The following MEIS1 variants were observed in gnomAD, a reference collection of about 807,000 sequenced individuals.
The protein encoded by MEIS1 is homeobox protein Meis1.
A neutral mutation model predicts 50.8 loss-of-function variants in MEIS1; 5 were observed. The observed-to-expected ratio is 0.10, with a 90% CI of 0.05 to 0.21. MEIS1 has a LOEUF of 0.21. Ranked by LOEUF, MEIS1 falls within the 10% of genes least tolerant of loss-of-function variation. The pLI is 1.00. For synonymous variants in MEIS1, 176 were observed against 179.3 expected (o/e 0.98, Z 0.15); for missense variants, 318 against 517.3 (o/e 0.61, Z 3.74).
At chr2:66,520,082 G>GT (rs999360275) in intron 8 of MEIS1, among the ~76,000 whole-genome samples, 11 of 151,188 alleles carry the variant, frequency 7.3e-5, no homozygotes, top group East Asian at 1.9e-4. Flanking sequence ...AGCAGGTATA[G>GT]TTTTTTTTTC....
chr2:66,475,167 TATC>T (rs1672860963), intron 7 of MEIS1, among the ~76,000 whole-genome samples: 1 of 147,256 alleles, frequency 6.8e-6, no homozygotes, highest in African/African-American at 2.5e-5. Flanking sequence ...TGAATATAAA[TATC>T]ATTTATAAAT....
intron 9 of MEIS1, among the ~76,000 whole-genome samples, chr2:66,553,914 T>C (rs1674988067): frequency 6.6e-6 from 1 of 152,112 alleles, no homozygotes; most frequent in African/African-American, 2.4e-5. Flanking sequence ...CCTTCCACCA[T>C]GGGGCCCTAA....
At chr2:66,476,598 G>C (rs557085505) in intron 7 of MEIS1, among the ~76,000 whole-genome samples, 44 of 152,254 alleles carry the variant, frequency 2.9e-4, no homozygotes, top group African/African-American at 1.0e-3. Flanking sequence ...TGAGTAATTT[G>C]GAAGTAGAGG....
chr2:66,454,395 C>T lies in MEIS1; in HGVS notation c.631-9714C>T, dbSNP rs149142647. On this transcript the variant is annotated intron_variant, in intron 6 of 12. Transcript: ENST00000272369. ...CAGCATAGTGTAAAAGGAGACTGAACTCAGATATTTTACTGAGATAGTATA... is the reference window on the plus strand; with the variant it reads ...CAGCATAGTGTAAAAGGAGACTGAATTCAGATATTTTACTGAGATAGTATA... Among the ~76,000 whole-genome samples, 1,322 of 152,078 alleles carry T rather than the reference C, an allele frequency of 8.7e-3. 11 individuals carry two copies. Among genetic ancestry groups the T allele is most frequent in the Middle Eastern group, 0.048 (14 of 294 alleles).
intron 8 of MEIS1, among the ~76,000 whole-genome samples, chr2:66,531,737 T>C (rs1184827837): frequency 6.6e-6 from 1 of 152,242 alleles, no homozygotes; most frequent in Non-Finnish European, 1.5e-5. Context: ...ATCTGCTGAT[T>C]GGCTGCGGAC....
In MEIS1 at chr2:66,484,654, G is replaced by A. The variant is rs528113837; in HGVS notation, c.742+20434G>A. ...GCTCACTGCAACCTCTCCCTCCTGG[G>A]TTCAAGCAATTCTCCTGCCTCAGCC... is the stretch of plus-strand genomic sequence containing the variant. On this transcript the variant is annotated intron_variant, in intron 7 of 12. Coordinates refer to ENST00000272369, the MANE Select transcript of MEIS1 (RefSeq NM_002398.3). Among the ~76,000 whole-genome samples, 25 of 152,182 alleles carry A rather than the reference G, an allele frequency of 1.6e-4. 1 individual carries two copies. The East Asian group carries it at 4.6e-3, about 28-fold the overall frequency.
At chr2:66,470,237 C>G (rs1042150143) in intron 7 of MEIS1, among the ~76,000 whole-genome samples, 1 of 152,054 alleles carries the variant, frequency 6.6e-6, no homozygotes, top group Admixed American at 6.6e-5. Context: ...CCTGTGTGTT[C>G]CTTTGGTTAT....
intron 9 of MEIS1, among the ~76,000 whole-genome samples, chr2:66,550,325 T>A (rs1233490741): frequency 6.6e-6 from 1 of 152,296 alleles, no homozygotes; most frequent in Non-Finnish European, 1.5e-5. Flanking sequence ...CATTTAACAA[T>A]GTTGTTTGCT....
chr2:66,442,303 A>C (rs1047432804), intron 5 of MEIS1, among the ~76,000 whole-genome samples: 1 of 146,608 alleles, frequency 6.8e-6, no homozygotes, highest in Non-Finnish European at 1.5e-5. Context: ...AATCAATTTG[A>C]TATGTTTTTG....
At chr2:66,559,724 T>G (rs547471900) in intron 9 of MEIS1, among the ~76,000 whole-genome samples, 1 of 152,332 alleles carries the variant, frequency 6.6e-6, no homozygotes, top group East Asian at 1.9e-4. Flanking sequence ...AACCACTATT[T>G]TTTTTAGCTC....
intron 9 of MEIS1, among the ~76,000 whole-genome samples, chr2:66,559,251 G>T (rs1675151550): frequency 1.3e-5 from 2 of 152,102 alleles, no homozygotes; most frequent in Admixed American, 1.3e-4. Flanking sequence ...TTATTTGGGG[G>T]AAACTTTCTT....
At chr2:66,557,552 C>CT (rs946414742) in intron 9 of MEIS1, among the ~76,000 whole-genome samples, 17 of 152,280 alleles carry the variant, frequency 1.1e-4, no homozygotes, top group African/African-American at 4.1e-4. Context: ...TTGAGACTGG[C>CT]TTTTTTCACT....
At chr2:66,461,277 G>T (rs542698516) in intron 6 of MEIS1, among the ~76,000 whole-genome samples, 1 of 152,138 alleles carries the variant, frequency 6.6e-6, no homozygotes, top group Non-Finnish European at 1.5e-5. Context: ...TATTGTAACT[G>T]AACTTCTCTG....
chr2:66,453,788 A>G (rs984366101), intron 6 of MEIS1, among the ~76,000 whole-genome samples: 2 of 152,002 alleles, frequency 1.3e-5, no homozygotes, highest in East Asian at 1.9e-4. Flanking sequence ...GTATAATGCT[A>G]TGAGGTAGTA....
intron 6 of MEIS1, among the ~76,000 whole-genome samples, chr2:66,459,813 A>G (rs929001484): frequency 6.6e-6 from 1 of 152,178 alleles, no homozygotes; most frequent in Non-Finnish European, 1.5e-5. Flanking sequence ...GGAGACAAAG[A>G]GTTTAGCTTT....
chr2:66,436,036 G>A (rs1229457756), intron 1 of MEIS1, among the ~76,000 whole-genome samples, 168 bp downstream of exon 1: 1 of 152,116 alleles, frequency 6.6e-6, no homozygotes, highest in Middle Eastern at 3.4e-3. Flanking sequence ...GTAGACTTAT[G>A]TATGTTACTT....
chr2:66,541,952 T>C (rs533213946), intron 8 of MEIS1, among the ~76,000 whole-genome samples: 2 of 152,236 alleles, frequency 1.3e-5, no homozygotes, highest in African/African-American at 4.8e-5. Flanking sequence ...TTCATAAAGC[T>C]GAAAGACAAT....
In MEIS1 at chr2:66,567,341, C is replaced by A; in HGVS notation, c.966-112C>A. 3 of 1,078,826 alleles carry A rather than the reference C, an allele frequency of 2.8e-6. No individual in the cohort carries two copies. The South Asian group carries it at 4.1e-5, about 15-fold the overall frequency. 66.8% of individuals were successfully genotyped at this position (1,078,826 alleles called of 1,614,324 possible). A position where few individuals can be genotyped will look rare whatever the true frequency, so the allele number is the denominator to read the frequency against. The stretch of plus-strand genomic sequence containing the variant: ...GAGCAATGGAGAGAACTGAAGGAGT[C>A]CCATTTTGCCAAGATCTAGTTTTAC... On this transcript the variant is annotated intron_variant, in intron 9 of 12. Transcript: ENST00000272369.
intron 8 of MEIS1, among the ~76,000 whole-genome samples, chr2:66,518,035 G>A (rs1572871530): frequency 6.6e-6 from 1 of 152,124 alleles, no homozygotes. Context: ...TAGTGACCTG[G>A]CAAAGCTTTC....
Sources: allele counts gnomAD v4.1 joint callset (sites outside exome capture counted in the v4.1 genomes callset), GRCh38; gene constraint gnomAD v4.1.1; transcripts MANE v1.5; gene names NCBI Gene and HGNC (gene_info 2026-07-23, HGNC 2026-07-21).